CUEDC2: variants seen among roughly 807,000 people sequenced by gnomAD.
CUEDC2 encodes the protein CUE domain-containing protein 2.
Under a neutral mutation model 36.0 loss-of-function variants are expected in CUEDC2, and 10 were observed. The ratio of observed to expected loss-of-function variants is 0.28; its 90% CI spans 0.17 to 0.47. The LOEUF (loss-of-function observed/expected upper bound fraction) is 0.47. CUEDC2 is among the 20% of genes least tolerant of loss of function. CUEDC2 has a pLI of 0.99. For missense variants in CUEDC2, 269 were observed against 368.1 expected (o/e 0.73, Z 2.20); for synonymous variants, 133 against 141.8 (o/e 0.94, Z 0.44).
chr10:102,431,314 T>C (rs2061616046), intron 1 of CUEDC2, among the ~76,000 whole-genome samples: 1 of 152,172 alleles, frequency 6.6e-6, no homozygotes, highest in Non-Finnish European at 1.5e-5. Context: ...AAATTTATTT[T>C]GTATTTTTTA....
At chr10:102,426,781 C>T (rs184026453) in intron 1 of CUEDC2, among the ~76,000 whole-genome samples, 3 of 152,128 alleles carry the variant, frequency 2.0e-5, no homozygotes, top group Admixed American at 2.0e-4. Flanking sequence ...CAGGCACACA[C>T]CACCTACTAG....
At chr10:102,428,715 C>A (rs568640397) in intron 1 of CUEDC2, among the ~76,000 whole-genome samples, 31 of 152,168 alleles carry the variant, frequency 2.0e-4, no homozygotes, top group African/African-American at 7.5e-4. Context: ...AAGACCCCAT[C>A]TCTCTTTTTG....
intron 1 of CUEDC2, among the ~76,000 whole-genome samples, chr10:102,427,930 T>G (rs1455240909): frequency 6.6e-6 from 1 of 152,002 alleles, no homozygotes; most frequent in Non-Finnish European, 1.5e-5. Flanking sequence ...TGGCTTTGTT[T>G]TTTGTTTGTT....
chr10:102,428,672 T>C (rs1215592051), intron 1 of CUEDC2, among the ~76,000 whole-genome samples: 3 of 151,800 alleles, frequency 2.0e-5, no homozygotes, highest in Non-Finnish European at 4.4e-5. Context: ...TCGTTTGAGC[T>C]CAGGAGTTTA....
rs779781998 is a variant in CUEDC2 at position 102,423,713 on chromosome 10, T to G, written c.661A>C (p.Met221Leu). The G allele has an allele frequency of 6.2e-7, 1 of 1,614,184 alleles. No homozygotes were observed. Among genetic ancestry groups the G allele is most frequent in the South Asian group, 1.1e-5 (1 of 91,088 alleles). Residue 221 changes from methionine (M) to leucine (L), a missense_variant, in exon 8 of 9, where the codon ATG (methionine) becomes CTG (leucine). Physicochemically the swap from Met to Leu is conservative, Grantham distance 15. Coordinates refer to ENST00000369937, the MANE Select transcript of CUEDC2 (RefSeq NM_024040.3). The surrounding 1 kb of genome is among the most constrained non-coding windows in gnomAD (Gnocchi z 5.6). ...ELKSFILQKY[M>L]MVDSAEDQKI... is the part of the protein sequence containing the mutation. ...TGATCCTCTGCGCTATCCACCATCA[T>G]GTACCTGTCAAAAACTGGCTGGGTG...
intron 1 of CUEDC2, among the ~76,000 whole-genome samples, chr10:102,426,469 C>G (rs527739224): frequency 1.3e-5 from 2 of 152,272 alleles, no homozygotes; most frequent in Admixed American, 1.3e-4. Context: ...ACTCAGCTGC[C>G]AAAGCTGAAA....
chr10:102,431,648 C>G (rs1175994462), intron 1 of CUEDC2, among the ~76,000 whole-genome samples: 1 of 152,200 alleles, frequency 6.6e-6, no homozygotes, highest in Non-Finnish European at 1.5e-5. Context: ...TCCTGCCTGG[C>G]TGGCTATATT....
In CUEDC2 at chr10:102,425,170, C is replaced by A; in HGVS notation, c.19G>T (p.Val7Phe). ...ACAAAGGCAAGGAGGGCTGCACTGA[C>A]GATCCTCTCCAGCTCCATGCTCTCT... MELERIVSAALLAFVQT... is the reference protein window; with the variant it reads MELERIFSAALLAFVQT... The change falls in exon 2 of 9, where the codon GTC becomes TTC. Residue 7 changes from valine to phenylalanine, a missense_variant. Coordinates refer to ENST00000369937, the MANE Select transcript of CUEDC2 (RefSeq NM_024040.3). 6.2e-7 allele frequency: 1 copy of A among 1,613,814 alleles called. No homozygotes were observed. The highest frequency in any genetic ancestry group is 8.5e-7 in the Non-Finnish European group (1 of 1,179,882).
intron 1 of CUEDC2, among the ~76,000 whole-genome samples, chr10:102,427,105 T>A (rs981900615): frequency 3.1e-4 from 47 of 152,154 alleles, no homozygotes; most frequent in African/African-American, 1.1e-3. Context: ...ACCTTCTATT[T>A]GCCCTTTCAG....
rs555902789 is a variant in CUEDC2 at position 102,425,327 on chromosome 10, C to G, written c.-10-129G>C. On this transcript the variant is annotated intron_variant, in intron 1 of 8. Coordinates refer to ENST00000369937, the MANE Select transcript of CUEDC2 (RefSeq NM_024040.3). The stretch of plus-strand genomic sequence containing the variant: ...GTTGATGCTGCCCTCTCTGTTCCCC[C>G]AAGTAGAACCATGCCCCCTCCTCCG... 88 of 670,566 alleles carry G rather than the reference C, an allele frequency of 1.3e-4. 1 individual carries two copies. The highest frequency in any genetic ancestry group is 8.2e-4 in the South Asian group (50 of 60,790). 41.5% of individuals were successfully genotyped at this position (670,566 alleles called of 1,614,324 possible).
At chr10:102,430,172 T>TTTATTTATTTATTTAC (rs1484243203) in intron 1 of CUEDC2, among the ~76,000 whole-genome samples, 1 of 143,690 alleles carries the variant, frequency 7.0e-6, no homozygotes, top group African/African-American at 2.6e-5. Flanking sequence ...TATTTATTTA[T>TTTATTTATTTATTTAC]TTATTTTACT....
chr10:102,429,615 A>G (rs2061609310), intron 1 of CUEDC2, among the ~76,000 whole-genome samples: 1 of 147,754 alleles, frequency 6.8e-6, no homozygotes, highest in East Asian at 2.0e-4. Context: ...CACCTGCGCC[A>G]GAGCCCTCAT....
Position 102,424,859 on chromosome 10 carries a change from T to A in CUEDC2, c.75-67A>T, listed in dbSNP as rs574459384. On this transcript the variant is annotated intron_variant, in intron 2 of 8. Transcript: ENST00000369937. This position sits in a 1 kb window ranked among gnomAD's most constrained non-coding sequence, Gnocchi z 4.2. Reference sequence around the variant, plus strand: ...ATGCCTCCAGCACCCCCACCTATCCTGAGACTCCAGCCCTCAGCTTCATGG... The same window carrying A: ...ATGCCTCCAGCACCCCCACCTATCCAGAGACTCCAGCCCTCAGCTTCATGG... 1.6e-4 allele frequency: 242 copies of A among 1,543,266 alleles called. 2 individuals carry two copies. In the East Asian group the frequency reaches 5.1e-3, roughly 33 times the overall value.
At chr10:102,425,799 G>A (rs1436755433) in intron 1 of CUEDC2, among the ~76,000 whole-genome samples, 1 of 151,854 alleles carries the variant, frequency 6.6e-6, no homozygotes, top group Non-Finnish European at 1.5e-5. Flanking sequence ...TCCTCCCCAA[G>A]GCCTGAGGAG....
rs2061589022 is a variant in CUEDC2 at position 102,424,601 on chromosome 10, C to A, written c.219-41G>T. ...CAGTGAGAGGATGACTCTGCCCACCCCATAATCAGCCAGCCCCTTCCTCCT... is the reference window on the plus strand; with the variant it reads ...CAGTGAGAGGATGACTCTGCCCACCACATAATCAGCCAGCCCCTTCCTCCT... On this transcript the variant is annotated intron_variant, in intron 3 of 8. Transcript: ENST00000369937. The surrounding 1 kb of genome is among the most constrained non-coding windows in gnomAD (Gnocchi z 4.2). 1 of 1,614,160 alleles carries A rather than the reference C, an allele frequency of 6.2e-7. No individual in the cohort carries two copies. The highest frequency in any genetic ancestry group is 8.5e-7 in the Non-Finnish European group (1 of 1,180,008).
chr10:102,425,719 G>A (rs1288843596), intron 1 of CUEDC2, among the ~76,000 whole-genome samples: 1 of 151,802 alleles, frequency 6.6e-6, no homozygotes, highest in East Asian at 1.9e-4. Context: ...AGCCTTTCAT[G>A]GATTCTCTCT....
At chr10:102,430,867 A>G (rs557015029) in intron 1 of CUEDC2, among the ~76,000 whole-genome samples, 2 of 152,264 alleles carry the variant, frequency 1.3e-5, no homozygotes, top group Admixed American at 6.5e-5. Flanking sequence ...GATTTCCATG[A>G]GACATTTCAA....
Position 102,424,212 on chromosome 10 carries a change from C to G in CUEDC2, c.412-34G>C. On this transcript the variant is annotated intron_variant, in intron 5 of 8. Transcript: ENST00000369937. This position sits in a 1 kb window ranked among gnomAD's most constrained non-coding sequence, Gnocchi z 4.2. Reference sequence around the variant, plus strand: ...ACAAACGTTAACAAGAGGCAATACTCCCCCCTTTCCAGCCCCCTGGGTCCC... The same window carrying G: ...ACAAACGTTAACAAGAGGCAATACTGCCCCCTTTCCAGCCCCCTGGGTCCC... 1.9e-6 allele frequency: 3 copies of G among 1,610,558 alleles called. No homozygotes were observed. The highest frequency in any genetic ancestry group is 2.5e-6 in the Non-Finnish European group (3 of 1,177,900).
chr10:102,424,433 C>T lies in CUEDC2; in HGVS notation c.281-39G>A. Reference sequence around the variant, plus strand: ...AGAGAGCATCAGGTTTGCCAAGGCTCTGGGGAGCAGGCAGTTGGGGGAGCG... The same window carrying T: ...AGAGAGCATCAGGTTTGCCAAGGCTTTGGGGAGCAGGCAGTTGGGGGAGCG... On this transcript the variant is annotated intron_variant, in intron 4 of 8. Coordinates refer to ENST00000369937, the MANE Select transcript of CUEDC2 (RefSeq NM_024040.3). This position sits in a 1 kb window ranked among gnomAD's most constrained non-coding sequence, Gnocchi z 4.2. 6.2e-7 allele frequency: 1 copy of T among 1,614,072 alleles called. No homozygotes were observed. The highest frequency in any genetic ancestry group is 1.1e-5 in the South Asian group (1 of 91,076).
Sources: allele counts gnomAD v4.1 joint callset (sites outside exome capture counted in the v4.1 genomes callset), GRCh38; gene constraint gnomAD v4.1.1; non-coding constraint Gnocchi (gnomAD v3.1); transcripts MANE v1.5; gene names NCBI Gene and HGNC (gene_info 2026-07-23, HGNC 2026-07-21).